SMIM14: variants seen among roughly 807,000 people sequenced by gnomAD.
SMIM14 encodes the protein chromosome 4 open reading frame 34.
A neutral mutation model predicts 12.6 loss-of-function variants in SMIM14; 5 were observed. The observed-to-expected ratio is 0.40, with a 90% CI of 0.21 to 0.83. The LOEUF (loss-of-function observed/expected upper bound fraction) is 0.83, where lower values mean the gene tolerates loss of function less well. Ranked by LOEUF, SMIM14 falls within the 40% of genes least tolerant of loss-of-function variation. The probability of loss-of-function intolerance (pLI) is 0.37; values close to 1 mark genes in which losing one functional copy is unlikely to be tolerated. For synonymous variants in SMIM14, 30 were observed against 40.1 expected, an observed-to-expected ratio of 0.75 and a Z score of 0.95; for missense variants, 86 against 119.1, an observed-to-expected ratio of 0.72 and a Z score of 1.29.
intron 1 of SMIM14, among the ~76,000 whole-genome samples, chr4:39,606,792 C>A (rs1714829485): frequency 6.6e-6 from 1 of 152,042 alleles, no homozygotes; most frequent in South Asian, 2.1e-4. Context: ...AAAACCCAGA[C>A]CAGAGCCCAG....
At chr4:39,601,647 G>A (rs1218393723) in intron 2 of SMIM14, among the ~76,000 whole-genome samples, 1 of 152,160 alleles carries the variant, frequency 6.6e-6, no homozygotes, top group Non-Finnish European at 1.5e-5. Flanking sequence ...AAGTATAAAA[G>A]TAGAAGATAA....
intron 2 of SMIM14, among the ~76,000 whole-genome samples, chr4:39,577,594 A>T (rs562913945): frequency 6.6e-6 from 1 of 151,918 alleles, no homozygotes; most frequent in African/African-American, 2.4e-5. Context: ...CACCCAGCTA[A>T]TTTTTGTATT....
chr4:39,598,695 T>A (rs989274709), intron 2 of SMIM14, among the ~76,000 whole-genome samples: 1 of 152,224 alleles, frequency 6.6e-6, no homozygotes, highest in Non-Finnish European at 1.5e-5. Context: ...ACTTAATGTG[T>A]TTCTTTAAAG....
chr4:39,597,466 C>T (rs11096998), intron 2 of SMIM14, among the ~76,000 whole-genome samples: 6,925 of 119,828 alleles, frequency 0.058, 236 homozygotes, highest in East Asian at 0.094. Flanking sequence ...TTTTTGGAGA[C>T]GGAGTCTGGC....
At chr4:39,607,989 C>G (rs1017900763) in intron 1 of SMIM14, among the ~76,000 whole-genome samples, 16 of 152,280 alleles carry the variant, frequency 1.1e-4, no homozygotes, top group South Asian at 4.1e-4. Context: ...CCACTTCATA[C>G]CTACTAGTAT....
rs372456809 is a variant in SMIM14 at position 39,554,261 on chromosome 4, T to C, written c.268-2103A>G. On this transcript the variant is annotated intron_variant, in intron 4 of 4. Transcript: ENST00000295958. The stretch of plus-strand genomic sequence containing the variant: ...GCAAATGCAGGCACAGCACCTGAGG[T>C]TAGGAGTTCAAGACCAGCCTGGCCA... Among the ~76,000 whole-genome samples the C allele has an allele frequency of 2.8e-4, 43 of 152,256 alleles. 1 individual carries two copies. The East Asian group carries it at 5.2e-3, about 18-fold the overall frequency.
chr4:39,602,238 T>C (rs1290274317), intron 2 of SMIM14, among the ~76,000 whole-genome samples: 1 of 138,498 alleles, frequency 7.2e-6, no homozygotes, highest in Admixed American at 7.3e-5. Flanking sequence ...GACAGCAAAG[T>C]CATGTCTCAA....
intron 2 of SMIM14, among the ~76,000 whole-genome samples, chr4:39,578,398 A>T (rs1030877793): frequency 7.9e-5 from 12 of 152,242 alleles, no homozygotes; most frequent in Non-Finnish European, 1.3e-4. Context: ...TTACTTGGAG[A>T]AAACATTGGT....
chr4:39,625,217 C>CA (rs555489081), intron 1 of SMIM14, among the ~76,000 whole-genome samples: 2,843 of 55,770 alleles, frequency 0.051, 89 homozygotes, highest in African/African-American at 0.14. Context: ...GACATCATCT[C>CA]AAAAAAAAAA....
chr4:39,599,681 T>C (rs1008577589), intron 2 of SMIM14, among the ~76,000 whole-genome samples: 6 of 152,064 alleles, frequency 3.9e-5, no homozygotes, highest in Admixed American at 3.3e-4. Flanking sequence ...CCCAGCACTT[T>C]GGGAGGCTGA....
intron 3 of SMIM14, among the ~76,000 whole-genome samples, chr4:39,567,852 C>A (rs1006486503): frequency 6.6e-6 from 1 of 152,138 alleles, no homozygotes; most frequent in Non-Finnish European, 1.5e-5. Context: ...ATTCAGTGAG[C>A]CCTGTTTGCT....
Position 39,588,507 on chromosome 4 carries a change from A to T in SMIM14, c.76-16044T>A, listed in dbSNP as rs116512870. 4.6e-3 allele frequency among the ~76,000 whole-genome samples: 694 copies of T among 152,332 alleles called. 5 individuals are homozygous for T. Among genetic ancestry groups the T allele is most frequent in the African/African-American group, 0.016 (659 of 41,574 alleles). On this transcript the variant is annotated intron_variant, in intron 2 of 4. Transcript: ENST00000295958. ...TCTTCCAGTGCCTGCATATTGATTTAAAAAAAGGATTAAGATTTGAAACAA... is the reference window on the plus strand; with the variant it reads ...TCTTCCAGTGCCTGCATATTGATTTTAAAAAAGGATTAAGATTTGAAACAA...
intron 1 of SMIM14, among the ~76,000 whole-genome samples, chr4:39,619,979 T>G (rs1715420600): frequency 6.7e-6 from 1 of 149,824 alleles, no homozygotes; most frequent in Non-Finnish European, 1.5e-5. Flanking sequence ...ATGGCTCAAG[T>G]GATCATCCCA....
In SMIM14 at chr4:39,556,491, G is replaced by A; in HGVS notation, c.204C>T (p.Phe68=). Residue 68 remains phenylalanine (F), a synonymous_variant, in exon 4 of 5, where the codon TTC becomes TTT. Transcript: ENST00000295958. ...VAWMVIALIL[F]LLRPPNLRGS... The stretch of plus-strand genomic sequence containing the variant: ...CTCTTAGATTAGGAGGTCTCAGTAA[G>A]AACAAGATCAATGCAATAACCATCC... The A allele has an allele frequency of 6.2e-7, 1 of 1,613,874 alleles. No homozygotes were observed. Among genetic ancestry groups the A allele is most frequent in the South Asian group, 1.1e-5 (1 of 91,046 alleles).
intron 2 of SMIM14, among the ~76,000 whole-genome samples, chr4:39,597,085 CTTTTTTTTTT>C (rs35373264): frequency 7.5e-6 from 1 of 133,744 alleles, no homozygotes; most frequent in African/African-American, 2.8e-5. Flanking sequence ...CCAGGTTTCC[CTTTTTTTTTT>C]TTTTTTTTTT....
At chr4:39,611,646 G>A (rs1715039816) in intron 1 of SMIM14, among the ~76,000 whole-genome samples, 1 of 152,068 alleles carries the variant, frequency 6.6e-6, no homozygotes, top group African/African-American at 2.4e-5. Context: ...CTGGGCAACA[G>A]AGCAAGACTC....
At chr4:39,633,439 A>C (rs556520185) in intron 1 of SMIM14, among the ~76,000 whole-genome samples, 1 of 152,318 alleles carries the variant, frequency 6.6e-6, no homozygotes, top group Non-Finnish European at 1.5e-5. Context: ...AACTACATTC[A>C]TGCCCAATAT....
At chr4:39,555,784 C>T (rs2109982327) in intron 4 of SMIM14, among the ~76,000 whole-genome samples, 1 of 152,018 alleles carries the variant, frequency 6.6e-6, no homozygotes. Flanking sequence ...TACTGAATAG[C>T]TAGGACAGAA....
chr4:39,619,630 C>G, intron 1 of SMIM14, among the ~76,000 whole-genome samples: 1 of 79,406 alleles, frequency 1.3e-5, no homozygotes, highest in South Asian at 4.5e-4. Context: ...ATAATTTATT[C>G]TATATATCAA....
Sources: allele counts gnomAD v4.1 joint callset (sites outside exome capture counted in the v4.1 genomes callset), GRCh38; gene constraint gnomAD v4.1.1; transcripts MANE v1.5; gene names NCBI Gene and HGNC (gene_info 2026-07-23, HGNC 2026-07-21).